Variants in GRIN2B observed in about 807,000 individuals in gnomAD.
GRIN2B encodes glutamate receptor ionotropic, NMDA 2B.
GRIN2B carries 5 observed loss-of-function variants against 114.5 expected under a neutral mutation model. The observed-to-expected ratio is 0.04, with a 90% confidence interval of 0.02 to 0.09. The LOEUF (loss-of-function observed/expected upper bound fraction) is 0.09, where lower values mean the gene tolerates loss of function less well. GRIN2B is among the 10% of genes least tolerant of loss of function. The probability of loss-of-function intolerance (pLI) is 1.00; values close to 1 mark genes in which losing one functional copy is unlikely to be tolerated. For synonymous variants in GRIN2B, 787 were observed against 745.1 expected, an observed-to-expected ratio of 1.06 and a Z score of -0.92; for missense variants, 1,108 against 1,943.5, an observed-to-expected ratio of 0.57 and a Z score of 8.08.
At chr12:13,822,364 G>A (rs220599) in intron 3 of GRIN2B, among the ~76,000 whole-genome samples, 59,017 of 151,902 alleles carry the variant, frequency 0.39, 11,854 homozygotes, top group East Asian at 0.54. Context: ...ATAATCAATC[G>A]GGCACATTGT....
intron 4 of GRIN2B, among the ~76,000 whole-genome samples, chr12:13,745,919 C>T (rs2012055): frequency 0.7 from 106,456 of 151,958 alleles, 38,156 homozygotes; most frequent in African/African-American, 0.84. Flanking sequence ...TTTAATCTGA[C>T]AAATATTTAT....
At position 13,615,575 on chromosome 12, in the gene GRIN2B, T is replaced by C; in HGVS notation, c.1418A>G (p.Lys473Arg). The C allele has an allele frequency of 6.2e-7, 1 of 1,612,710 alleles. No individual in the cohort carries two copies. The highest frequency in any genetic ancestry group is 1.1e-5 in the South Asian group (1 of 91,062). Residue 473 changes from lysine to arginine, a missense_variant, in exon 7 of 14, where the codon AAG becomes AGG. By Grantham distance (26) the Lys-to-Arg change is conservative. Coordinates refer to ENST00000609686, the MANE Select transcript of GRIN2B (RefSeq NM_000834.5). The surrounding 1 kb of genome is among the most constrained non-coding windows in gnomAD (Gnocchi z 5.8). ...AACCAGGTAAAGGTCATAGGTGAAC[T>C]TCACAGATTTAGAAATTTTCTTAAG... The part of the protein sequence containing the change: ...DILKKISKSV[K>R]FTYDLYLVTN...
At chr12:13,854,842 C>T (rs763831224) in intron 3 of GRIN2B, among the ~76,000 whole-genome samples, 1 of 152,070 alleles carries the variant, frequency 6.6e-6, no homozygotes, top group Non-Finnish European at 1.5e-5. Context: ...CTCTCATAGA[C>T]CCATACTTGC....
intron 3 of GRIN2B, among the ~76,000 whole-genome samples, chr12:13,782,471 T>C (rs1439540630): frequency 2.0e-5 from 3 of 152,238 alleles, no homozygotes; most frequent in Non-Finnish European, 2.9e-5. Flanking sequence ...AATATACTTT[T>C]GCTCTTCTCA....
intron 3 of GRIN2B, among the ~76,000 whole-genome samples, chr12:13,841,244 G>A (rs915704027): frequency 1.3e-5 from 2 of 152,124 alleles, no homozygotes; most frequent in African/African-American, 4.8e-5. Context: ...AGATCACACA[G>A]CTAGCCATGC....
At chr12:13,704,504 C>T (rs972521315) in intron 4 of GRIN2B, among the ~76,000 whole-genome samples, 2 of 152,108 alleles carry the variant, frequency 1.3e-5, no homozygotes, top group Admixed American at 6.5e-5. Context: ...TGAAATAACA[C>T]CCACAGCATT....
chr12:13,960,081 T>C (rs953510407), intron 2 of GRIN2B, among the ~76,000 whole-genome samples: 25 of 152,074 alleles, frequency 1.6e-4, no homozygotes, highest in African/African-American at 6.0e-4. Context: ...GGCTGTCTCA[T>C]GCATCCTAGG....
chr12:13,840,664 T>C (rs904376077), intron 3 of GRIN2B, among the ~76,000 whole-genome samples: 2 of 152,228 alleles, frequency 1.3e-5, no homozygotes, highest in Non-Finnish European at 2.9e-5. Context: ...GCAAAGTACC[T>C]GATCAGTTCC....
intron 3 of GRIN2B, among the ~76,000 whole-genome samples, chr12:13,766,201 ATAAAC>A (rs1863783549): frequency 6.6e-6 from 1 of 152,264 alleles, no homozygotes; most frequent in African/African-American, 2.4e-5. Flanking sequence ...GAAATGAAGT[ATAAAC>A]CATCATCAAC....
chr12:13,862,099 A>G (rs1477879089), intron 3 of GRIN2B, among the ~76,000 whole-genome samples: 2 of 152,172 alleles, frequency 1.3e-5, no homozygotes, highest in African/African-American at 2.4e-5. Context: ...TGATTTTTTA[A>G]TAGCCCTACT....
At chr12:13,916,733 AC>A (rs1866732826) in intron 2 of GRIN2B, among the ~76,000 whole-genome samples, 1 of 14,854 alleles carries the variant, frequency 6.7e-5, no homozygotes, top group South Asian at 4.8e-3. Context: ...ACACACACAC[AC>A]ATTTGTGTGT....
intron 3 of GRIN2B, among the ~76,000 whole-genome samples, chr12:13,756,898 A>C (rs1341997591): frequency 2.0e-5 from 3 of 152,198 alleles, no homozygotes; most frequent in Non-Finnish European, 4.4e-5. Flanking sequence ...GCTTCTCTTA[A>C]TACTCTCTCT....
At chr12:13,875,568 G>A (rs1010072402) in intron 2 of GRIN2B, among the ~76,000 whole-genome samples, 6 of 151,992 alleles carry the variant, frequency 3.9e-5, no homozygotes, top group African/African-American at 9.7e-5. Flanking sequence ...TGTAGGTGTC[G>A]AAGAAGGCTA....
intron 4 of GRIN2B, among the ~76,000 whole-genome samples, chr12:13,692,573 G>A (rs772637378): frequency 1.8e-4 from 28 of 151,708 alleles, no homozygotes; most frequent in South Asian, 2.1e-4. Context: ...GTGAACTGCC[G>A]TGTCTACATG....
At chr12:13,635,075 C>T (rs1949655877) in intron 5 of GRIN2B, among the ~76,000 whole-genome samples, 1 of 152,200 alleles carries the variant, frequency 6.6e-6, no homozygotes, top group Non-Finnish European at 1.5e-5. Context: ...CGTGCTGGCA[C>T]TGCCCAGAGA....
chr12:13,938,134 A>G (rs909808916), intron 2 of GRIN2B, among the ~76,000 whole-genome samples: 1 of 152,112 alleles, frequency 6.6e-6, no homozygotes, highest in Non-Finnish European at 1.5e-5. Flanking sequence ...TACCCCAAAG[A>G]AGGCGGGAAA....
intron 13 of GRIN2B, among the ~76,000 whole-genome samples, chr12:13,565,945 A>T (rs1252667062): frequency 6.6e-6 from 1 of 152,108 alleles, no homozygotes; most frequent in African/African-American, 2.4e-5. Context: ...AGAGGCATTG[A>T]TCATGTCAAA....
intron 2 of GRIN2B, among the ~76,000 whole-genome samples, chr12:13,942,395 G>T (rs1232293731): frequency 1.2e-5 from 1 of 84,942 alleles, no homozygotes; most frequent in Admixed American, 1.6e-4. Context: ...TCAGGCACAG[G>T]CACTATTTGG....
chr12:13,967,832 A>G (rs1431092094), intron 2 of GRIN2B, among the ~76,000 whole-genome samples: 1 of 152,138 alleles, frequency 6.6e-6, no homozygotes, highest in Non-Finnish European at 1.5e-5. Flanking sequence ...GCATGAGGGG[A>G]GGTGGGGAGG....
Sources: gnomAD v4.1 joint callset for allele counts (sites outside exome capture counted in the v4.1 genomes callset) on GRCh38, gnomAD v4.1.1 for gene constraint, Gnocchi (gnomAD v3.1) non-coding constraint, MANE v1.5 for transcripts, NCBI Gene and HGNC (gene_info 2026-07-23, HGNC 2026-07-21) for gene names.